DLGAP4: variants seen among roughly 807,000 people sequenced by gnomAD.
DLGAP4 encodes disks large-associated protein 4.
DLGAP4 carries 18 observed loss-of-function variants against 86.9 expected under a neutral mutation model. That is an observed-to-expected ratio of 0.21 (90% CI 0.14 to 0.31). The LOEUF (loss-of-function observed/expected upper bound fraction) is 0.31, where lower values mean the gene tolerates loss of function less well. Ranked by LOEUF, DLGAP4 falls within the 10% of genes least tolerant of loss-of-function variation. The pLI is 1.00. For synonymous variants in DLGAP4, 548 were observed against 574.3 expected (o/e 0.95, Z 0.65); for missense variants, 1,085 against 1,362.6 (o/e 0.80, Z 3.21).
chr20:36,380,338 A>G (rs2031327796), intron 2 of DLGAP4, among the ~76,000 whole-genome samples: 3 of 151,978 alleles, frequency 2.0e-5, no homozygotes, highest in Admixed American at 6.6e-5. Flanking sequence ...TGAGCCCAGG[A>G]GGTCTAGGCT....
chr20:36,431,537 G>A lies in DLGAP4; in HGVS notation c.-72-109G>A. 1.5e-6 allele frequency: 1 copy of A among 662,588 alleles called. No individual in the cohort carries two copies. The allele number at this position is 662,588 out of a possible 1,614,324, so 41.0% of individuals were successfully genotyped here. Reference sequence around the variant, plus strand: ...CTGTCCTCAGGCCCACAACATTGAGGACTGGCTTCAGAGATCCTCCCAGCC... The same window carrying A: ...CTGTCCTCAGGCCCACAACATTGAGAACTGGCTTCAGAGATCCTCCCAGCC... On this transcript the variant is annotated intron_variant, in intron 2 of 12. Coordinates refer to ENST00000339266, the MANE Select transcript of DLGAP4 (RefSeq NM_001365621.2). The surrounding 1 kb of genome is among the most constrained non-coding windows in gnomAD (Gnocchi z 5.1).
chr20:36,382,616 G>A (rs1433034482), intron 2 of DLGAP4, among the ~76,000 whole-genome samples: 22 of 136,370 alleles, frequency 1.6e-4, no homozygotes, highest in East Asian at 4.7e-4. Context: ...TGCAGCCTCT[G>A]CCTCTCGGGT....
At chr20:36,353,477 G>T (rs1555893600) in intron 1 of DLGAP4, among the ~76,000 whole-genome samples, 1 of 152,212 alleles carries the variant, frequency 6.6e-6, no homozygotes, top group African/African-American at 2.4e-5. Context: ...CAGCCCTGGG[G>T]CCTTTTTTCT....
intron 2 of DLGAP4, among the ~76,000 whole-genome samples, chr20:36,381,323 CAG>C (rs1442803804): frequency 6.6e-6 from 1 of 152,218 alleles, no homozygotes; most frequent in Non-Finnish European, 1.5e-5. Context: ...AGTGTCAAAA[CAG>C]AGGATTTATT....
intron 7 of DLGAP4, among the ~76,000 whole-genome samples, chr20:36,456,178 C>T (rs1214895517): frequency 2.0e-5 from 3 of 152,196 alleles, no homozygotes; most frequent in African/African-American, 4.8e-5. Context: ...CACACATTTA[C>T]AGATATTTCA....
chr20:36,497,325 C>G, intron 8 of DLGAP4: 1 of 1,348,114 alleles, frequency 7.4e-7, no homozygotes. Flanking sequence ...AATGTAGTTA[C>G]ACTCAGCCAG....
At chr20:36,504,439 C>T (rs1434060649) in intron 10 of DLGAP4, among the ~76,000 whole-genome samples, 3 of 152,148 alleles carry the variant, frequency 2.0e-5, no homozygotes, top group African/African-American at 7.2e-5. Flanking sequence ...TGGGTTGTTT[C>T]CACCTTTTGG....
At chr20:36,519,058 A>G (rs532054463) in intron 10 of DLGAP4, among the ~76,000 whole-genome samples, 68 of 151,800 alleles carry the variant, frequency 4.5e-4, no homozygotes, top group Admixed American at 1.1e-3. Flanking sequence ...CAGAGGTTGC[A>G]GCGAGCCGAG....
chr20:36,494,984 G>GTTTTTTT (rs752411826), intron 7 of DLGAP4, among the ~76,000 whole-genome samples: 268 of 75,378 alleles, frequency 3.6e-3, no homozygotes, highest in Non-Finnish European at 4.5e-3. Flanking sequence ...TTTTTGTTCG[G>GTTTTTTT]TTTTTTTTTT....
intron 7 of DLGAP4, among the ~76,000 whole-genome samples, chr20:36,484,501 T>G (rs1453601283): frequency 1.3e-5 from 2 of 152,258 alleles, no homozygotes; most frequent in Non-Finnish European, 2.9e-5. Context: ...CTCAGGCCTC[T>G]GCTCCAGGCC....
chr20:36,414,237 G>T (rs1030923432), intron 2 of DLGAP4, among the ~76,000 whole-genome samples: 2 of 152,188 alleles, frequency 1.3e-5, no homozygotes, highest in Non-Finnish European at 2.9e-5. Flanking sequence ...CAGCCAAGGG[G>T]GTGATCCTGG....
At chr20:36,353,415 G>A (rs1251180622) in intron 1 of DLGAP4, among the ~76,000 whole-genome samples, 4 of 152,248 alleles carry the variant, frequency 2.6e-5, no homozygotes, top group African/African-American at 9.6e-5. Context: ...GTGCCCAGGT[G>A]CGTCTTCTCC....
chr20:36,497,622 A>G, intron 8 of DLGAP4: 1 of 987,396 alleles, frequency 1.0e-6, no homozygotes, highest in Non-Finnish European at 1.2e-6. Flanking sequence ...TTGAGGTACC[A>G]GGCCCATGTC....
chr20:36,526,286 A>C (rs1569527713), intron 12 of DLGAP4, among the ~76,000 whole-genome samples: 1 of 151,242 alleles, frequency 6.6e-6, no homozygotes, highest in African/African-American at 2.5e-5. Context: ...ACGTTATAAC[A>C]GAGGAGGCAG....
intron 2 of DLGAP4, among the ~76,000 whole-genome samples, chr20:36,400,768 T>C (rs1440817556): frequency 2.2e-5 from 3 of 137,338 alleles, no homozygotes; most frequent in African/African-American, 2.8e-5. Flanking sequence ...GGGGGGAATC[T>C]GGGGGCAGAA....
chr20:36,386,429 A>G (rs901339727), intron 2 of DLGAP4, among the ~76,000 whole-genome samples: 15 of 149,878 alleles, frequency 1.0e-4, no homozygotes, highest in African/African-American at 3.4e-4. Context: ...GGAAGGAGGG[A>G]GAAACAAAGA....
chr20:36,482,765 G>T (rs75538373), intron 7 of DLGAP4, among the ~76,000 whole-genome samples: 193 of 152,184 alleles, frequency 1.3e-3, no homozygotes, highest in African/African-American at 4.5e-3. Flanking sequence ...TCTGTCTCCC[G>T]GGTTCAAGTG....
chr20:36,380,050 G>A (rs1247716279), intron 2 of DLGAP4, among the ~76,000 whole-genome samples: 1 of 151,860 alleles, frequency 6.6e-6, no homozygotes, highest in African/African-American at 2.4e-5. Flanking sequence ...AAGCATGGTG[G>A]CAGGCACCTC....
chr20:36,378,828 T>A (rs1430747809), intron 2 of DLGAP4, among the ~76,000 whole-genome samples: 1 of 151,854 alleles, frequency 6.6e-6, no homozygotes, highest in Non-Finnish European at 1.5e-5. Flanking sequence ...CTGGAGTAAT[T>A]CTATTTGGCT....
Sources: allele counts gnomAD v4.1 joint callset (sites outside exome capture counted in the v4.1 genomes callset), GRCh38; gene constraint gnomAD v4.1.1; non-coding constraint Gnocchi (gnomAD v3.1); transcripts MANE v1.5; gene names NCBI Gene and HGNC (gene_info 2026-07-23, HGNC 2026-07-21).